The following MEOX2 variants were observed in gnomAD, a reference collection of about 807,000 sequenced individuals.
MEOX2 encodes mesenchyme homeobox 2, also known as homeobox protein MOX-2.
A neutral mutation model predicts 27.0 loss-of-function variants in MEOX2; 11 were observed. The ratio of observed to expected loss-of-function variants is 0.41; its 90% CI spans 0.26 to 0.68. The LOEUF is 0.68. Among genes scored for constraint, MEOX2 ranks in the 30% least tolerant of loss-of-function variants. The probability of loss-of-function intolerance (pLI) is 0.33; values close to 1 mark genes in which losing one functional copy is unlikely to be tolerated. For synonymous variants in MEOX2, 189 were observed against 155.4 expected (o/e 1.22, Z -1.61); for missense variants, 436 against 385.4 (o/e 1.13, Z -1.10).
intron 1 of MEOX2, among the ~76,000 whole-genome samples, chr7:15,682,403 A>G (rs1387507646): frequency 2.6e-5 from 4 of 151,880 alleles, no homozygotes; most frequent in Non-Finnish European, 5.9e-5. Context: ...GTCATTCTGC[A>G]TAGTCAAGCA....
intron 2 of MEOX2, among the ~76,000 whole-genome samples, chr7:15,614,797 A>C (rs192158322): frequency 5.9e-5 from 9 of 152,250 alleles, no homozygotes; most frequent in African/African-American, 1.2e-4. Flanking sequence ...GTTTAGAAAT[A>C]ATTTCAATTT....
intron 1 of MEOX2, among the ~76,000 whole-genome samples, chr7:15,647,037 A>C (rs532910119): frequency 2.0e-5 from 3 of 152,144 alleles, no homozygotes; most frequent in African/African-American, 7.2e-5. Context: ...ATTATGTTAA[A>C]CTATAGCTAA....
At chr7:15,658,553 C>T (rs7787043) in intron 1 of MEOX2, among the ~76,000 whole-genome samples, 85,483 of 151,994 alleles carry the variant, frequency 0.56, 25,281 homozygotes, top group East Asian at 0.72. Flanking sequence ...AGAGAACTCA[C>T]GATCTCAAAA....
intron 1 of MEOX2, among the ~76,000 whole-genome samples, chr7:15,636,796 C>G (rs890545362): frequency 1.3e-5 from 2 of 151,990 alleles, no homozygotes; most frequent in Admixed American, 6.6e-5. Context: ...AAGAAGTGCA[C>G]GATCAAGGCA....
chr7:15,684,557 C>A (rs557228270), intron 1 of MEOX2, among the ~76,000 whole-genome samples: 1 of 152,142 alleles, frequency 6.6e-6, no homozygotes, highest in African/African-American at 2.4e-5. Flanking sequence ...TATAGTAACG[C>A]TGAAGAACAA....
intron 1 of MEOX2, among the ~76,000 whole-genome samples, chr7:15,683,297 T>C (rs1363617871): frequency 2.6e-5 from 4 of 152,028 alleles, no homozygotes; most frequent in African/African-American, 9.7e-5. Context: ...CCTGGATTTA[T>C]GTACTGAATT....
chr7:15,653,241 G>A (rs1426459574), intron 1 of MEOX2, among the ~76,000 whole-genome samples: 3 of 151,870 alleles, frequency 2.0e-5, no homozygotes, highest in East Asian at 3.9e-4. Context: ...AGATAATAAT[G>A]TTTAACACTT....
chr7:15,679,152 A>G (rs374129143), intron 1 of MEOX2: 108 of 152,238 alleles, frequency 7.1e-4, no homozygotes, highest in African/African-American at 2.5e-3. Flanking sequence ...TATTATCAGG[A>G]AATTAAATTT....
chr7:15,686,407 T>C lies in MEOX2; in HGVS notation c.-5A>G. On this transcript the variant is annotated 5_prime_UTR_variant, in exon 1 of 3. The change abolishes an upstream ATG in the 5' untranslated region. Coordinates refer to ENST00000262041, the MANE Select transcript of MEOX2 (RefSeq NM_005924.5). Reference sequence around the variant, plus strand: ...GCCAAAGAGCGGGTGTTCCATAGCATGCAAGTTTCGGGTTCCAGGCAGAAG... The same window carrying C: ...GCCAAAGAGCGGGTGTTCCATAGCACGCAAGTTTCGGGTTCCAGGCAGAAG... The C allele has an allele frequency of 6.4e-7, 1 of 1,561,730 alleles. No individual in the cohort carries two copies. The highest frequency in any genetic ancestry group is 8.7e-7 in the Non-Finnish European group (1 of 1,152,338).
At chr7:15,668,572 C>T (rs1209742425) in intron 1 of MEOX2, among the ~76,000 whole-genome samples, 2 of 152,082 alleles carry the variant, frequency 1.3e-5, no homozygotes, top group Non-Finnish European at 2.9e-5. Flanking sequence ...ACATCCGCCT[C>T]CTGGGTTCAA....
At chr7:15,666,707 G>A (rs1222889673) in intron 1 of MEOX2, among the ~76,000 whole-genome samples, 14 of 131,368 alleles carry the variant, frequency 1.1e-4, no homozygotes, top group Middle Eastern at 0.011. Context: ...AGCCGAGATC[G>A]TGCCACTGCA....
At chr7:15,656,986 T>C (rs369929911) in intron 1 of MEOX2, among the ~76,000 whole-genome samples, 14 of 152,118 alleles carry the variant, frequency 9.2e-5, no homozygotes, top group Non-Finnish European at 1.3e-4. Flanking sequence ...GACTGTTCTT[T>C]TCTTTCTGCA....
Position 15,686,343 on chromosome 7 carries a change from G to T in MEOX2, c.60C>A (p.His20Gln). The change falls in exon 1 of 3, where the codon CAC becomes CAA. Residue 20 changes from histidine (H) to glutamine (Q), a missense_variant. His to Gln is a conservative substitution (Grantham distance 24). Transcript: ENST00000262041. ...RSPHATAQGLHPFSQSSLALH... is the reference protein window; with the variant it reads ...RSPHATAQGLQPFSQSSLALH... ...GGGCGAGAGAGGATTGGGAGAACGG[G>T]TGCAAGCCTTGCGCCGTGGCGTGAG... is the stretch of plus-strand genomic sequence containing the variant. 1 of 1,599,692 alleles carries T rather than the reference G, an allele frequency of 6.3e-7. No individual in the cohort carries two copies. Among genetic ancestry groups the T allele is most frequent in the Non-Finnish European group, 8.5e-7 (1 of 1,172,576 alleles).
chr7:15,672,591 G>C (rs180827826), intron 1 of MEOX2, among the ~76,000 whole-genome samples: 2 of 151,998 alleles, frequency 1.3e-5, no homozygotes, highest in East Asian at 3.9e-4. Context: ...TTTCACTTTA[G>C]AAAGTATCCG....
chr7:15,652,093 A>T (rs1353395682), intron 1 of MEOX2, among the ~76,000 whole-genome samples: 1 of 152,062 alleles, frequency 6.6e-6, no homozygotes, highest in Non-Finnish European at 1.5e-5. Flanking sequence ...GATAATAGGG[A>T]TTTAAGACTC....
intron 1 of MEOX2, among the ~76,000 whole-genome samples, chr7:15,640,199 G>T (rs974081253): frequency 1.3e-5 from 2 of 151,476 alleles, no homozygotes; most frequent in African/African-American, 2.4e-5. Context: ...CACCTCCTTA[G>T]TTAGGTCTGT....
intron 1 of MEOX2, among the ~76,000 whole-genome samples, chr7:15,629,443 C>G (rs1163715453): frequency 6.6e-6 from 1 of 151,988 alleles, no homozygotes; most frequent in African/African-American, 2.4e-5. Context: ...AATACCAAAC[C>G]AAAAATTGCT....
At chr7:15,619,068 G>T (rs1781172156) in intron 2 of MEOX2, among the ~76,000 whole-genome samples, 2 of 151,902 alleles carry the variant, frequency 1.3e-5, no homozygotes, top group South Asian at 4.1e-4. Flanking sequence ...CTAGAAAATT[G>T]TCAGTTCTCT....
chr7:15,685,976 C>T lies in MEOX2; in HGVS notation c.427G>A (p.Ala143Thr). The change falls in exon 1 of 3, where the codon GCG becomes ACG. Residue 143 changes from alanine (A) to threonine (T), a missense_variant. Physicochemically the swap from Ala to Thr is moderately conservative, Grantham distance 58. Coordinates refer to ENST00000262041, the MANE Select transcript of MEOX2 (RefSeq NM_005924.5). ...CGGCCGTAGTCCCCCGGCGCGCACG[C>T]GGCCCCAGTCGGGGTGCTGGAGCCC... The part of the protein sequence containing the change: ...SLGSSTPTGA[A>T]CAPGDYGRQA... 1 of 1,610,426 alleles carries T rather than the reference C, an allele frequency of 6.2e-7. No homozygotes were observed. Among genetic ancestry groups the T allele is most frequent in the Non-Finnish European group, 8.5e-7 (1 of 1,179,724 alleles).
Sources: allele counts gnomAD v4.1 joint callset (sites outside exome capture counted in the v4.1 genomes callset), GRCh38; gene constraint gnomAD v4.1.1; transcripts MANE v1.5; gene names NCBI Gene and HGNC (gene_info 2026-07-23, HGNC 2026-07-21).